Variants in ZFP64 observed in about 807,000 individuals in gnomAD.
ZFP64 encodes zinc finger protein 64.
ZFP64 carries 14 observed loss-of-function variants against 51.6 expected under a neutral mutation model. The ratio of observed to expected loss-of-function variants is 0.27; its 90% confidence interval spans 0.18 to 0.42. The LOEUF is 0.42. ZFP64 is among the 10% of genes least tolerant of loss of function. The probability of loss-of-function intolerance (pLI) is 1.00; values close to 1 mark genes in which losing one functional copy is unlikely to be tolerated. For synonymous variants in ZFP64, 375 were observed against 361.4 expected (o/e 1.04, Z -0.43); for missense variants, 754 against 906.8 (o/e 0.83, Z 2.16).
At chr20:52,110,746 G>A (rs1978517288) in intron 5 of ZFP64, 4 of 1,597,922 alleles carry the variant, frequency 2.5e-6, no homozygotes, top group Non-Finnish European at 3.4e-6. Context: ...ACATGGGACT[G>A]GGTTCTCAAA....
chr20:52,175,875 C>CCCCAAA, intron 2 of ZFP64: 8 of 965,624 alleles, frequency 8.3e-6, no homozygotes, highest in Non-Finnish European at 9.8e-6. Context: ...CCCCCGCCCC[C>CCCCAAA]AAAATAATTC....
chr20:52,188,300 T>TTTTCTTTC (rs1487976388), intron 1 of ZFP64, among the ~76,000 whole-genome samples: 5 of 142,178 alleles, frequency 3.5e-5, no homozygotes, highest in Non-Finnish European at 3.0e-5. Context: ...CATTATTTCT[T>TTTTCTTTC]TTTCTTTCTT....
rs762051591 is a variant in ZFP64 at position 52,152,967 on chromosome 20, C to T, written c.1225G>A (p.Gly409Ser). The change falls in exon 6 of 6, where the codon GGC becomes AGC. Residue 409 changes from glycine (G) to serine (S), a missense_variant. By Grantham distance (56) the Gly-to-Ser change is moderately conservative. Transcript: ENST00000216923. ...GCCACCTGCCGGCTGCTCTGCCTGCCGGTGTCCTTCCTCTCTAGAGCCTCA... is the reference window on the plus strand; with the variant it reads ...GCCACCTGCCGGCTGCTCTGCCTGCTGGTGTCCTTCCTCTCTAGAGCCTCA... ...KTEALERKDT[G>S]RQSSRQVAKL... is the part of the protein sequence containing the mutation. The T allele has an allele frequency of 6.2e-6, 10 of 1,613,732 alleles. No individual in the cohort carries two copies. The Admixed American group carries it at 1.2e-4, about 19-fold the overall frequency.
intron 8 of ZFP64, chr20:52,088,205 T>C: frequency 1.1e-6 from 1 of 914,840 alleles, no homozygotes; most frequent in Non-Finnish European, 1.6e-6. Context: ...CAGCTGTCAG[T>C]CATATTTTAC....
intron 5 of ZFP64, among the ~76,000 whole-genome samples, chr20:52,140,658 T>G (rs1980209439): frequency 1.3e-5 from 2 of 152,152 alleles, no homozygotes; most frequent in South Asian, 4.1e-4. Flanking sequence ...CTCCACATCG[T>G]AAAAGTGCAA....
chr20:52,091,785 C>T (rs760344838), intron 7 of ZFP64, among the ~76,000 whole-genome samples: 4 of 147,802 alleles, frequency 2.7e-5, no homozygotes, highest in Non-Finnish European at 6.0e-5. Context: ...CTTGGGAGTT[C>T]GAGACCAACC....
intron 7 of ZFP64, among the ~76,000 whole-genome samples, chr20:52,096,113 G>T (rs1449455173): frequency 2.0e-5 from 3 of 152,220 alleles, no homozygotes; most frequent in East Asian, 3.8e-4. Context: ...TCTGGACAGA[G>T]ACCACCATCT....
intron 6 of ZFP64, among the ~76,000 whole-genome samples, chr20:52,097,806 A>G (rs568001390): frequency 6.6e-6 from 1 of 152,198 alleles, no homozygotes; most frequent in South Asian, 2.1e-4. Flanking sequence ...GTGGTGGCCC[A>G]CACCTGCCAT....
chr20:52,174,872 C>A (rs1451085993), intron 2 of ZFP64, among the ~76,000 whole-genome samples: 7 of 152,116 alleles, frequency 4.6e-5, no homozygotes, highest in Non-Finnish European at 8.8e-5. Flanking sequence ...AAATTATTTG[C>A]ATTTTCCCCT....
intron 5 of ZFP64, among the ~76,000 whole-genome samples, chr20:52,111,367 C>G (rs1327106850): frequency 1.3e-5 from 2 of 151,930 alleles, no homozygotes; most frequent in Non-Finnish European, 2.9e-5. Flanking sequence ...TAAGTATGCA[C>G]CACCACGCCC....
At chr20:52,117,043 G>A (rs1978910292) in intron 5 of ZFP64, among the ~76,000 whole-genome samples, 1 of 151,982 alleles carries the variant, frequency 6.6e-6, no homozygotes, top group Admixed American at 6.6e-5. Context: ...TTGCACTCCA[G>A]CCTGGTGACA....
rs561473724 is a variant in ZFP64, at chr20:52,129,891, A to G, written c.763+30232T>C. ...AATTCATCTTTGCTGAATGAGTGCAATCGTCATTATTGTTTATTATTATAA... is the reference window on the plus strand; with the variant it reads ...AATTCATCTTTGCTGAATGAGTGCAGTCGTCATTATTGTTTATTATTATAA... On this transcript the variant is annotated intron_variant, in intron 5 of 8. Transcript: ENST00000361387. Among the ~76,000 whole-genome samples, 7 of 152,306 alleles carry G rather than the reference A, an allele frequency of 4.6e-5. No homozygotes were observed. In the South Asian group the frequency reaches 8.3e-4, roughly 18 times the overall value.
chr20:52,117,883 C>T (rs903374027), intron 5 of ZFP64, among the ~76,000 whole-genome samples: 1 of 151,996 alleles, frequency 6.6e-6, no homozygotes, highest in East Asian at 1.9e-4. Context: ...GCAGTCTCAA[C>T]CCCCCAGCCT....
At chr20:52,177,322 T>C (rs1245796656) in intron 2 of ZFP64, among the ~76,000 whole-genome samples, 1 of 152,180 alleles carries the variant, frequency 6.6e-6, no homozygotes, top group Non-Finnish European at 1.5e-5. Flanking sequence ...GGTAGGAACG[T>C]GGCCCTGCGG....
In ZFP64 at chr20:52,152,545, G is replaced by A. The variant is rs1445546666; in HGVS notation, c.1647C>T (p.Ile549=). ...GACACCGCGAGGACTGAGGGGGGGC[G>A]ATCAGACTGACCTGGCGCAGGATCT... ...RLQILRQVSL[I]APPQSSRCPS... Residue 549 remains isoleucine (I), a synonymous_variant, in exon 6 of 6, where the codon ATC becomes ATT. Transcript: ENST00000216923. The A allele has an allele frequency of 4.4e-6, 7 of 1,582,276 alleles. No homozygotes were observed. The highest frequency in any genetic ancestry group is 1.3e-5 in the African/African-American group (1 of 74,584).
intron 5 of ZFP64, among the ~76,000 whole-genome samples, chr20:52,134,615 C>T (rs1422459204): frequency 6.6e-6 from 1 of 152,070 alleles, no homozygotes; most frequent in Non-Finnish European, 1.5e-5. Context: ...AGGCCATTCC[C>T]ACGATAGGAA....
chr20:52,151,226 G>A (rs1028938859), downstream of ZFP64: 39 of 984,896 alleles, frequency 4.0e-5, no homozygotes, highest in African/African-American at 1.2e-4. Context: ...AATGACTCAC[G>A]CCCCATCATT....
intron 5 of ZFP64, among the ~76,000 whole-genome samples, chr20:52,127,228 T>C (rs1979489467): frequency 6.6e-6 from 1 of 151,954 alleles, no homozygotes; most frequent in Admixed American, 6.6e-5. Context: ...GGGATTACAG[T>C]TGTGAGCCAC....
chr20:52,101,871 C>T (rs773282265), intron 5 of ZFP64, among the ~76,000 whole-genome samples: 1 of 144,686 alleles, frequency 6.9e-6, no homozygotes, highest in Non-Finnish European at 1.5e-5. Context: ...GTAATCCTAG[C>T]ATTTTGGGAG....
Sources: allele counts gnomAD v4.1 joint callset (sites outside exome capture counted in the v4.1 genomes callset), GRCh38; gene constraint gnomAD v4.1.1; transcripts MANE v1.5; gene names NCBI Gene and HGNC (gene_info 2026-07-23, HGNC 2026-07-21).